MGLL: variants seen among roughly 807,000 people sequenced by gnomAD.
The protein encoded by MGLL is lysophospholipase homolog.
A neutral mutation model predicts 29.1 loss-of-function variants in MGLL; 7 were observed. The ratio of observed to expected loss-of-function variants is 0.24; its 90% CI spans 0.14 to 0.45. The LOEUF (loss-of-function observed/expected upper bound fraction) is 0.45. Ranked by LOEUF, MGLL falls within the 20% of genes least tolerant of loss-of-function variation. MGLL has a pLI of 0.99. For synonymous variants in MGLL, 148 were observed against 168.3 expected, an observed-to-expected ratio of 0.88 and a Z score of 0.93; for missense variants, 356 against 413.6, an observed-to-expected ratio of 0.86 and a Z score of 1.21.
Position 127,721,081 on chromosome 3 carries a change from G to A in MGLL, c.482C>T (p.Ala161Val). 6.2e-7 allele frequency: 1 copy of A among 1,614,242 alleles called. No homozygotes were observed. ...GMVLISPLVL[A>V]NPESATTFKV... ...GAAAGTTGTTGCAGATTCAGGATTG[G>A]CAAGAACCAGAGGCGAAATGAGTAC... The change falls in exon 5 of 8, where the codon GCC becomes GTC. Residue 161 changes from alanine (A) to valine (V), a missense_variant. Physicochemically the swap from Ala to Val is moderately conservative, Grantham distance 64. Coordinates refer to ENST00000265052, the MANE Select transcript of MGLL (RefSeq NM_007283.7).
intron 3 of MGLL, among the ~76,000 whole-genome samples, chr3:127,732,338 A>G (rs2076166567): frequency 6.6e-6 from 1 of 152,152 alleles, no homozygotes; most frequent in Non-Finnish European, 1.5e-5. Flanking sequence ...TTTCTAGCAA[A>G]GGAAACAGAC....
intron 2 of MGLL, among the ~76,000 whole-genome samples, chr3:127,798,146 C>A (rs955372919): frequency 1.5e-4 from 23 of 152,234 alleles, no homozygotes; most frequent in Admixed American, 2.0e-4. Flanking sequence ...GAGCACATGA[C>A]CAGCACCTTG....
intron 3 of MGLL, among the ~76,000 whole-genome samples, chr3:127,730,776 T>C (rs1326998624): frequency 3.9e-5 from 6 of 152,172 alleles, no homozygotes; most frequent in Non-Finnish European, 8.8e-5. Context: ...AGAGCAGGGG[T>C]GCCACATGGC....
At chr3:127,809,857 T>A (rs1014520811) in intron 2 of MGLL, among the ~76,000 whole-genome samples, 1 of 152,096 alleles carries the variant, frequency 6.6e-6, no homozygotes, top group Non-Finnish European at 1.5e-5. Flanking sequence ...AGGCAAAGGA[T>A]AAACCAACAG....
At chr3:127,753,141 G>C (rs927522135) in intron 3 of MGLL, among the ~76,000 whole-genome samples, 1 of 152,166 alleles carries the variant, frequency 6.6e-6, no homozygotes, top group Non-Finnish European at 1.5e-5. Flanking sequence ...AGCCCCAAAA[G>C]AAAACAAGAA....
At chr3:127,699,536 T>C (rs547650016) in intron 6 of MGLL, among the ~76,000 whole-genome samples, 5 of 152,310 alleles carry the variant, frequency 3.3e-5, no homozygotes, top group Admixed American at 3.3e-4. Flanking sequence ...ATTACCTTTT[T>C]ACATATGAGG....
chr3:127,813,164 T>C (rs1023176666), intron 2 of MGLL, among the ~76,000 whole-genome samples: 4 of 152,130 alleles, frequency 2.6e-5, no homozygotes, highest in Admixed American at 6.5e-5. Flanking sequence ...CTTCCATCTC[T>C]TTCCCTTTTC....
intron 3 of MGLL, among the ~76,000 whole-genome samples, chr3:127,738,578 C>G (rs59643207): frequency 0.14 from 21,055 of 152,010 alleles, 2,121 homozygotes; most frequent in East Asian, 0.45. Context: ...CTGGAGCACC[C>G]TGCAGCCTGG....
intron 3 of MGLL, among the ~76,000 whole-genome samples, chr3:127,745,714 C>T (rs1197522088): frequency 6.6e-6 from 1 of 152,160 alleles, no homozygotes; most frequent in Non-Finnish European, 1.5e-5. Flanking sequence ...AGAAAGCCTG[C>T]TTCAGGATGC....
intron 3 of MGLL, among the ~76,000 whole-genome samples, chr3:127,767,855 T>C (rs538700197): frequency 4.4e-4 from 67 of 152,190 alleles, no homozygotes; most frequent in Non-Finnish European, 7.8e-4. Context: ...AATGAACAGG[T>C]GAATACATGC....
At chr3:127,759,386 C>T (rs963302789) in intron 3 of MGLL, among the ~76,000 whole-genome samples, 7 of 152,206 alleles carry the variant, frequency 4.6e-5, no homozygotes, top group Non-Finnish European at 8.8e-5. Flanking sequence ...TTACCCCTCC[C>T]TTGGTCCCCT....
intron 3 of MGLL, among the ~76,000 whole-genome samples, chr3:127,724,264 C>G (rs1302139776): frequency 1.3e-5 from 2 of 152,208 alleles, no homozygotes; most frequent in African/African-American, 4.8e-5. Context: ...CTTTCTGCTT[C>G]TATAAATTTG....
chr3:127,707,009 C>T (rs990490105), intron 6 of MGLL, among the ~76,000 whole-genome samples: 81 of 152,108 alleles, frequency 5.3e-4, no homozygotes, highest in Admixed American at 5.2e-3. Flanking sequence ...TGGGCACATC[C>T]GAAACACCGG....
chr3:127,757,908 G>A (rs1029511542), intron 3 of MGLL, among the ~76,000 whole-genome samples: 1 of 152,230 alleles, frequency 6.6e-6, no homozygotes, highest in Admixed American at 6.5e-5. Flanking sequence ...TAGCACACCT[G>A]TAGGTACTTG....
intron 3 of MGLL, among the ~76,000 whole-genome samples, chr3:127,739,768 G>T (rs1222134058): frequency 1.3e-5 from 2 of 152,214 alleles, no homozygotes; most frequent in Non-Finnish European, 2.9e-5. Context: ...GCCACGCAGG[G>T]GTGTGGACCA....
intron 2 of MGLL, among the ~76,000 whole-genome samples, chr3:127,793,364 G>C (rs1181580348): frequency 6.6e-6 from 1 of 152,202 alleles, no homozygotes; most frequent in Non-Finnish European, 1.5e-5. Context: ...AGAAAAATAG[G>C]TTGTGTGTGA....
At chr3:127,811,432 A>G (rs558441273) in intron 2 of MGLL, among the ~76,000 whole-genome samples, 1 of 152,218 alleles carries the variant, frequency 6.6e-6, no homozygotes, top group South Asian at 2.1e-4. Flanking sequence ...TAGAGCTGGT[A>G]CCTTGTCTAA....
In MGLL at chr3:127,821,794, G is replaced by T. The variant is rs755974949; in HGVS notation, c.55C>A (p.Arg19=). 1.2e-6 allele frequency: 2 copies of T among 1,614,138 alleles called. No homozygotes were observed. The highest frequency in any genetic ancestry group is 1.3e-5 in the African/African-American group (1 of 75,040). The change falls in exon 2 of 8, where the codon CGG becomes AGG. Residue 19 remains arginine (R), a synonymous_variant. Coordinates refer to ENST00000265052, the MANE Select transcript of MGLL (RefSeq NM_007283.7). ...TGGTAGGGAATGCTCTGCGGGGTCCGCCTGGGGGAACTTTCCTCTGGCATG... is the reference window on the plus strand; with the variant it reads ...TGGTAGGGAATGCTCTGCGGGGTCCTCCTGGGGGAACTTTCCTCTGGCATG... The part of the protein sequence containing the change: ...SSMPEESSPR[R]TPQSIPYQDL...
intron 2 of MGLL, among the ~76,000 whole-genome samples, chr3:127,820,389 CCT>C (rs2077838167): frequency 6.6e-6 from 1 of 152,326 alleles, no homozygotes; most frequent in South Asian, 2.1e-4. Context: ...CCACCCTCCC[CCT>C]GTGCCAGGAC....
Sources: gnomAD v4.1 joint callset for allele counts (sites outside exome capture counted in the v4.1 genomes callset) on GRCh38, gnomAD v4.1.1 for gene constraint, MANE v1.5 for transcripts, NCBI Gene and HGNC (gene_info 2026-07-23, HGNC 2026-07-21) for gene names.